ZFAT: variants seen among roughly 807,000 people sequenced by gnomAD.
The protein encoded by ZFAT is zinc finger and AT-hook domain containing.
A neutral mutation model predicts 117.7 loss-of-function variants in ZFAT; 64 were observed. The ratio of observed to expected loss-of-function variants is 0.54; its 90% CI spans 0.44 to 0.67. The LOEUF (loss-of-function observed/expected upper bound fraction) is 0.67. ZFAT is among the 30% of genes least tolerant of loss of function. The pLI is 0.00. For missense variants in ZFAT, 1,433 were observed against 1,584.5 expected, an observed-to-expected ratio of 0.90 and a Z score of 1.62; for synonymous variants, 679 against 615.0, an observed-to-expected ratio of 1.10 and a Z score of -1.54.
chr8:134,782,639 C>T, the ZFAT span, among the ~76,000 whole-genome samples: 2 of 152,068 alleles, frequency 1.3e-5, no homozygotes, highest in Non-Finnish European at 1.5e-5. Context: ...GAATAAGTAT[C>T]ACAAGATCTG....
Position 134,478,140 on chromosome 8 carries a change from G to A in ZFAT, c.*342C>T. The A allele has an allele frequency of 3.3e-6, 1 of 302,374 alleles. No homozygotes were observed. The highest frequency in any genetic ancestry group is 6.3e-6 in the Non-Finnish European group (1 of 159,584). 18.7% of individuals were successfully genotyped at this position (302,374 alleles called of 1,614,324 possible). On this transcript the variant is annotated 3_prime_UTR_variant, in exon 16 of 16. Coordinates refer to ENST00000377838, the MANE Select transcript of ZFAT (RefSeq NM_020863.4). This position sits in a 1 kb window ranked among gnomAD's most constrained non-coding sequence, Gnocchi z 5.2. ...CAAGGAGCTGGGGCTGTGATTCAGG[G>A]AAGATGCTGAGGGGGACTGGGAGTC...
chr8:134,519,535 G>A (rs926611873), intron 13 of ZFAT, among the ~76,000 whole-genome samples: 1 of 152,148 alleles, frequency 6.6e-6, no homozygotes, highest in Non-Finnish European at 1.5e-5. Flanking sequence ...ACTAACTGTT[G>A]TATGTTGATA....
At chr8:134,507,731 C>T (rs1381800514) in intron 15 of ZFAT, among the ~76,000 whole-genome samples, 1 of 152,184 alleles carries the variant, frequency 6.6e-6, no homozygotes, top group African/African-American at 2.4e-5. Context: ...CTCAATAAAT[C>T]ATGTCTCCCA....
chr8:134,524,548 A>G (rs1202462169), intron 12 of ZFAT, among the ~76,000 whole-genome samples: 1 of 152,232 alleles, frequency 6.6e-6, no homozygotes, highest in Non-Finnish European at 1.5e-5. Flanking sequence ...CCTCCCAGAC[A>G]GGCAATGTAT....
In ZFAT at chr8:134,712,913, C is replaced by G; in HGVS notation, c.-50G>C. ...AAAAAGCCTCGGGCTCTTCCGGGCCCCCTCCCGTGCCGACCGAGGGGGCGG... is the reference window on the plus strand; with the variant it reads ...AAAAAGCCTCGGGCTCTTCCGGGCCGCCTCCCGTGCCGACCGAGGGGGCGG... On this transcript the variant is annotated 5_prime_UTR_variant, in exon 1 of 16. Transcript: ENST00000377838. The G allele has an allele frequency of 6.8e-7, 1 of 1,469,632 alleles. No homozygotes were observed. Among genetic ancestry groups the G allele is most frequent in the South Asian group, 1.3e-5 (1 of 75,566 alleles). 91.0% of individuals were successfully genotyped at this position (1,469,632 alleles called of 1,614,324 possible).
the ZFAT span, among the ~76,000 whole-genome samples, chr8:134,816,024 CA>C: frequency 6.6e-6 from 1 of 152,182 alleles, no homozygotes; most frequent in East Asian, 1.9e-4. Flanking sequence ...GAGTCTGGAA[CA>C]GTGTCTGGCA....
intron 2 of ZFAT, among the ~76,000 whole-genome samples, chr8:134,652,624 T>C (rs1440958021): frequency 6.6e-6 from 1 of 152,156 alleles, no homozygotes; most frequent in East Asian, 1.9e-4. Context: ...CATAGACAAC[T>C]GATATGAACA....
Position 134,646,195 on chromosome 8 carries a change from C to T in ZFAT, c.197-8483G>A, listed in dbSNP as rs372777318. Among the ~76,000 whole-genome samples the T allele has an allele frequency of 3.6e-4, 55 of 151,986 alleles. 1 individual carries two copies. In the East Asian group the frequency reaches 7.8e-3, roughly 21 times the overall value. On this transcript the variant is annotated intron_variant, in intron 2 of 15. Transcript: ENST00000377838. ...CTGCACTCCAGCCTGGGCGAAAGAG[C>T]GAAACCCCATCTCAAAGAAAAAAGA... is the stretch of plus-strand genomic sequence containing the variant.
At chr8:134,594,093 C>T (rs1374299254) in intron 7 of ZFAT, among the ~76,000 whole-genome samples, 1 of 152,182 alleles carries the variant, frequency 6.6e-6, no homozygotes, top group African/African-American at 2.4e-5. Context: ...TCTGTTTTGC[C>T]ATGTGATGCC....
intron 10 of ZFAT, among the ~76,000 whole-genome samples, chr8:134,579,837 G>C (rs1472108167): frequency 6.6e-6 from 1 of 151,892 alleles, no homozygotes; most frequent in Non-Finnish European, 1.5e-5. Context: ...TGTAATCCCA[G>C]CTATGGTGGG....
At chr8:134,708,836 C>T (rs896309478) in intron 1 of ZFAT, among the ~76,000 whole-genome samples, 1 of 152,088 alleles carries the variant, frequency 6.6e-6, no homozygotes, top group Non-Finnish European at 1.5e-5. Flanking sequence ...CTTATAATCC[C>T]AGCTACTTGG....
intron 5 of ZFAT, among the ~76,000 whole-genome samples, chr8:134,604,441 C>G (rs1341690474): frequency 2.0e-5 from 3 of 152,196 alleles, no homozygotes; most frequent in African/African-American, 7.2e-5. Flanking sequence ...AATGGCCAAG[C>G]CTTGTTTCTG....
At chr8:134,501,508 G>A (rs115823602) in intron 15 of ZFAT, among the ~76,000 whole-genome samples, 2,308 of 152,230 alleles carry the variant, frequency 0.015, 64 homozygotes, top group African/African-American at 0.052. Context: ...TTCCTTAGAT[G>A]AGCCACAATA....
rs760895764 is a variant in ZFAT, at chr8:134,696,533, C to T, written c.19+16312G>A. Reference sequence around the variant, plus strand: ...AGGCCACCGCCTCTCCATCTACACCCTTTCTTCTCAGACTCCTGCACTCTC... The same window carrying T: ...AGGCCACCGCCTCTCCATCTACACCTTTTCTTCTCAGACTCCTGCACTCTC... On this transcript the variant is annotated intron_variant, in intron 1 of 15. Coordinates refer to ENST00000377838, the MANE Select transcript of ZFAT (RefSeq NM_020863.4). 3 of 985,738 alleles carry T rather than the reference C, an allele frequency of 3.0e-6. No individual in the cohort carries two copies. The African/African-American group carries it at 5.2e-5, about 17-fold the overall frequency. The allele number at this position is 985,738 out of a possible 1,614,324, so 61.1% of individuals were successfully genotyped here.
intron 15 of ZFAT, among the ~76,000 whole-genome samples, chr8:134,505,769 G>C (rs546986916): frequency 6.6e-6 from 1 of 152,130 alleles, no homozygotes; most frequent in Non-Finnish European, 1.5e-5. Flanking sequence ...TAGCTCTCTC[G>C]ACACCTTGAG....
the ZFAT span, chr8:134,766,400 A>G: frequency 1.3e-5 from 2 of 152,222 alleles, no homozygotes; most frequent in African/African-American, 2.4e-5. Flanking sequence ...ACAAAAGTAG[A>G]GAAAACAGTA....
intron 8 of ZFAT, among the ~76,000 whole-genome samples, chr8:134,588,909 T>C (rs1373514772): frequency 6.6e-6 from 1 of 152,232 alleles, no homozygotes; most frequent in Non-Finnish European, 1.5e-5. Flanking sequence ...ATGGTGGTTA[T>C]GTTGAAAGCA....
chr8:134,622,937 C>T (rs1829234319), intron 3 of ZFAT, among the ~76,000 whole-genome samples: 1 of 152,128 alleles, frequency 6.6e-6, no homozygotes, highest in Non-Finnish European at 1.5e-5. Context: ...CACAGGTACA[C>T]CATGACTTGA....
intron 10 of ZFAT, among the ~76,000 whole-genome samples, chr8:134,583,421 T>C (rs927993730): frequency 3.9e-5 from 6 of 152,204 alleles, no homozygotes; most frequent in Non-Finnish European, 8.8e-5. Context: ...CTGAGGTAGC[T>C]TGGATGATAA....
Sources: gnomAD v4.1 joint callset for allele counts (sites outside exome capture counted in the v4.1 genomes callset) on GRCh38, gnomAD v4.1.1 for gene constraint, Gnocchi (gnomAD v3.1) non-coding constraint, MANE v1.5 for transcripts, NCBI Gene and HGNC (gene_info 2026-07-23, HGNC 2026-07-21) for gene names.